USP6: variants seen among roughly 807,000 people sequenced by gnomAD.
USP6 encodes the protein ubiquitin specific peptidase 6.
Under a neutral mutation model 175.7 loss-of-function variants are expected in USP6, and 128 were observed. That is an observed-to-expected ratio of 0.73 (90% confidence interval 0.63 to 0.84). The LOEUF is 0.84. Among genes scored for constraint, USP6 ranks in the 40% least tolerant of loss-of-function variants. USP6 has a pLI of 0.00. For missense variants in USP6, 1,498 were observed against 1,760.3 expected (o/e 0.85, Z 2.67); for synonymous variants, 562 against 630.6 (o/e 0.89, Z 1.63).
Position 5,132,955 on chromosome 17 carries a change from C to G in USP6, c.241C>G (p.Leu81Val). 6.2e-7 allele frequency: 1 copy of G among 1,614,126 alleles called. No individual in the cohort carries two copies. Among genetic ancestry groups the G allele is most frequent in the African/African-American group, 1.3e-5 (1 of 75,036 alleles). Residue 81 changes from leucine to valine, a missense_variant, in exon 13 of 38, where the codon CTG becomes GTG. This residue lies in a region of USP6 where 281 missense variants were observed against 259.6 expected (regional missense o/e 1.08). Transcript: ENST00000574788. The surrounding 1 kb of genome is among the most constrained non-coding windows in gnomAD (Gnocchi z 4.7). ...ACGAACGAGCAAGTGGATGGAAATG[C>G]TGGGAGAATGGGAGACATATAAGCA... ...MTRTSKWMEM[L>V]GEWETYKHSS...
chr17:5,155,676 A>C, intron 31 of USP6, 70 bp downstream of exon 31: 5 of 1,492,778 alleles, frequency 3.3e-6, no homozygotes, highest in Non-Finnish European at 4.5e-6. Context: ...TGAATTCTAC[A>C]TGACAGATAG....
At position 5,148,443 on chromosome 17, in the gene USP6, C is replaced by T. The variant is rs1329698146; in HGVS notation, c.2432-113C>T. 4 of 1,219,140 alleles carry T rather than the reference C, an allele frequency of 3.3e-6. No homozygotes were observed. The East Asian group carries it at 7.3e-5, about 22-fold the overall frequency. 75.5% of individuals were successfully genotyped at this position (1,219,140 alleles called of 1,614,324 possible). ...TAGAATTATTTATACTATGATTTCTCCCTGCCCTGTGTTAAGAGACTACAC... is the reference window on the plus strand; with the variant it reads ...TAGAATTATTTATACTATGATTTCTTCCTGCCCTGTGTTAAGAGACTACAC... On this transcript the variant is annotated intron_variant, in intron 29 of 37. Coordinates refer to ENST00000574788, the MANE Select transcript of USP6 (RefSeq NM_001304284.2).
chr17:5,123,532 G>C (rs1313593654), intron 4 of USP6, among the ~76,000 whole-genome samples: 1 of 152,140 alleles, frequency 6.6e-6, no homozygotes, highest in Non-Finnish European at 1.5e-5. Flanking sequence ...GCAGTGCAGA[G>C]CGGAGAGAGC....
chr17:5,167,273 A>G (rs1160889687), intron 33 of USP6, among the ~76,000 whole-genome samples: 1 of 152,216 alleles, frequency 6.6e-6, no homozygotes, highest in African/African-American at 2.4e-5. Context: ...ATTAAAAATA[A>G]ATGGCTTACT....
At chr17:5,150,780 A>G (rs1479320848) in intron 30 of USP6, among the ~76,000 whole-genome samples, 1 of 152,132 alleles carries the variant, frequency 6.6e-6, no homozygotes, top group Non-Finnish European at 1.5e-5. Context: ...GGTGTGAACC[A>G]CTGCACCCAG....
At chr17:5,159,098 TAAGG>T (rs919919103) in intron 31 of USP6, among the ~76,000 whole-genome samples, 2 of 152,162 alleles carry the variant, frequency 1.3e-5, no homozygotes, top group Non-Finnish European at 2.9e-5. Context: ...ATCCTGGAAT[TAAGG>T]GTCTATGTAG....
At chr17:5,162,772 G>A in intron 32 of USP6, 112 bp from the exon 33 acceptor site, 1 of 1,457,844 alleles carries the variant, frequency 6.9e-7, no homozygotes, top group East Asian at 2.7e-5. Context: ...ATGACAAATT[G>A]TGAGGCCCAA....
rs1173988042 is a variant in USP6 at position 5,156,389 on chromosome 17, C to A, written c.2828+783C>A. On this transcript the variant is annotated intron_variant, in intron 31 of 37. Transcript: ENST00000574788. ...ATGGCACGATCCTGGCTCACTGCAA[C>A]CTCCACCTCCCGGGTTCAAACGATT... 2.6e-5 allele frequency among the ~76,000 whole-genome samples: 4 copies of A among 152,126 alleles called. No individual in the cohort carries two copies. In the East Asian group the frequency reaches 7.7e-4, roughly 29 times the overall value.
chr17:5,124,307 C>T (rs1283808410), intron 4 of USP6, among the ~76,000 whole-genome samples: 3 of 152,196 alleles, frequency 2.0e-5, no homozygotes, highest in Non-Finnish European at 4.4e-5. Context: ...TACCACCCCC[C>T]ACCCAACCAC....
chr17:5,142,586 C>G (rs1481048867), intron 25 of USP6, 84 bp downstream of exon 25: 1 of 1,480,028 alleles, frequency 6.8e-7, no homozygotes, highest in African/African-American at 1.4e-5. Flanking sequence ...TTGTGTTTAG[C>G]CTTTTAGCTT....
At chr17:5,153,026 A>G (rs767884409) in intron 30 of USP6, among the ~76,000 whole-genome samples, 5 of 152,208 alleles carry the variant, frequency 3.3e-5, no homozygotes, top group Non-Finnish European at 7.3e-5. Context: ...GAATTAAGTA[A>G]TTCTATTTAT....
At chr17:5,155,225 T>A (rs2073855617) in intron 30 of USP6, among the ~76,000 whole-genome samples, 197 bp from the exon 31 acceptor site, 1 of 152,250 alleles carries the variant, frequency 6.6e-6, no homozygotes, top group South Asian at 2.1e-4. Context: ...AAACTGGCAA[T>A]ACCTCAGCGC....
intron 37 of USP6, among the ~76,000 whole-genome samples, chr17:5,172,163 A>AG (rs2074234724): frequency 6.8e-6 from 1 of 147,472 alleles, no homozygotes; most frequent in Non-Finnish European, 1.5e-5. Context: ...CAACAGAGCA[A>AG]GGCTCTGTCT....
intron 6 of USP6, among the ~76,000 whole-genome samples, chr17:5,126,221 T>G (rs757636779): frequency 6.6e-6 from 1 of 152,192 alleles, no homozygotes; most frequent in Non-Finnish European, 1.5e-5. Context: ...CCCCAGCATG[T>G]ACCCAGCTGC....
rs970825566 is a variant in USP6, at chr17:5,171,049, T to C, written c.3954+134T>C. The C allele has an allele frequency of 1.0e-5, 12 of 1,167,082 alleles. No individual in the cohort carries two copies. In the East Asian group the frequency reaches 1.0e-4, roughly 10 times the overall value. 72.3% of individuals were successfully genotyped at this position (1,167,082 alleles called of 1,614,324 possible). On this transcript the variant is annotated intron_variant, in intron 36 of 37. Transcript: ENST00000574788. ...AGCTTAGTGATAGACAAAGTTAACATTGAAATCTGGGCTCACAGATGTGGT... is the reference window on the plus strand; with the variant it reads ...AGCTTAGTGATAGACAAAGTTAACACTGAAATCTGGGCTCACAGATGTGGT...
intron 31 of USP6, among the ~76,000 whole-genome samples, chr17:5,160,347 T>C (rs1343652136): frequency 6.6e-6 from 1 of 152,190 alleles, no homozygotes; most frequent in African/African-American, 2.4e-5. Flanking sequence ...CTGTAAAGTA[T>C]GCCACTCTTA....
intron 22 of USP6, among the ~76,000 whole-genome samples, chr17:5,140,886 T>G (rs2073425573): frequency 2.6e-5 from 4 of 152,178 alleles, no homozygotes; most frequent in Admixed American, 2.6e-4. Flanking sequence ...AGAGCACCCT[T>G]TAAGAAACAC....
At chr17:5,145,656 A>T in intron 27 of USP6, 77 bp downstream of exon 27, 1 of 1,468,764 alleles carries the variant, frequency 6.8e-7, no homozygotes, top group Non-Finnish European at 9.0e-7. Flanking sequence ...TTGTAAGCAT[A>T]GTTATTTGTT....
intron 30 of USP6, among the ~76,000 whole-genome samples, chr17:5,150,577 C>A (rs2073742065): frequency 6.6e-6 from 1 of 151,424 alleles, no homozygotes; most frequent in Middle Eastern, 3.2e-3. Context: ...TCACTGCAGC[C>A]TCCACCTCCT....
Sources: gnomAD v4.1 joint callset for allele counts (sites outside exome capture counted in the v4.1 genomes callset) on GRCh38, gnomAD v4.1.1 for gene constraint, gnomAD v4.1.1 regional missense constraint, Gnocchi (gnomAD v3.1) non-coding constraint, MANE v1.5 for transcripts, NCBI Gene and HGNC (gene_info 2026-07-23, HGNC 2026-07-21) for gene names.